The following AXDND1 variants were observed in gnomAD, a reference collection of about 807,000 sequenced individuals.
AXDND1 encodes axonemal dynein light chain domain-containing protein 1.
AXDND1 carries 110 observed loss-of-function variants against 137.5 expected under a neutral mutation model. The ratio of observed to expected loss-of-function variants is 0.80; its 90% CI spans 0.69 to 0.94. AXDND1 has a LOEUF of 0.94. AXDND1 is among the 40% of genes least tolerant of loss of function. The pLI is 0.00. For synonymous variants in AXDND1, 414 were observed against 399.7 expected (o/e 1.04, Z -0.43); for missense variants, 1,191 against 1,169.8 (o/e 1.02, Z -0.26).
intron 20 of AXDND1, among the ~76,000 whole-genome samples, chr1:179,495,524 A>G (rs1328056549): frequency 6.6e-6 from 1 of 152,076 alleles, no homozygotes; most frequent in South Asian, 2.1e-4. Context: ...GTTTTAGTAC[A>G]TTAATCTCAT....
intron 15 of AXDND1, among the ~76,000 whole-genome samples, chr1:179,438,234 G>A (rs892029251): frequency 6.6e-6 from 1 of 152,030 alleles, no homozygotes; most frequent in African/African-American, 2.4e-5. Context: ...CGGCAAATCG[G>A]CTTTCACAAG....
chr1:179,425,787 C>T (rs1189263086), intron 12 of AXDND1, among the ~76,000 whole-genome samples: 1 of 63,354 alleles, frequency 1.6e-5, no homozygotes, highest in Non-Finnish European at 3.4e-5. Flanking sequence ...TAGACCCTGT[C>T]TCACATATGT....
intron 14 of AXDND1, among the ~76,000 whole-genome samples, chr1:179,431,231 T>C (rs1408760655): frequency 6.6e-6 from 1 of 152,172 alleles, no homozygotes; most frequent in Non-Finnish European, 1.5e-5. Context: ...TGCCTCCATC[T>C]CCTGGGTTCA....
intron 25 of AXDND1, among the ~76,000 whole-genome samples, chr1:179,541,686 A>G (rs1282135680): frequency 6.8e-6 from 1 of 147,196 alleles, no homozygotes; most frequent in Non-Finnish European, 1.5e-5. Context: ...ATAATATTGC[A>G]TGATAATATG....
At chr1:179,521,803 T>C (rs566139981) in intron 21 of AXDND1, among the ~76,000 whole-genome samples, 1 of 149,032 alleles carries the variant, frequency 6.7e-6, no homozygotes, top group East Asian at 2.0e-4. Context: ...GATTCTGGGA[T>C]GGTATTCTTT....
In AXDND1 at chr1:179,375,385, C is replaced by T. The variant is rs370289328; in HGVS notation, c.375-3252C>T. ...CCCTAAAATACTAGGATTATAGGCG[C>T]GAGCCACCATGCCCGGCCCCAACAT... On this transcript the variant is annotated intron_variant, in intron 4 of 25. Transcript: ENST00000367618. 1.8e-4 allele frequency among the ~76,000 whole-genome samples: 28 copies of T among 151,994 alleles called. No homozygotes were observed. The South Asian group carries it at 3.3e-3, about 18-fold the overall frequency.
At position 179,534,845 on chromosome 1, in the gene AXDND1, A is replaced by C; in HGVS notation, c.2914A>C (p.Lys972Gln). ...AGAGGAATTAGTCATGACATCAAGA[A>C]AGGAGTCTAAAGAAGAGAAAGAAAA... ...DLEELVMTSR[K>Q]ESKEEKENQD... is the part of the protein sequence containing the mutation. The change falls in exon 25 of 26, where the codon AAG (lysine) becomes CAG (glutamine). Residue 972 changes from lysine (K) to glutamine (Q), a missense_variant. Coordinates refer to ENST00000367618, the MANE Select transcript of AXDND1 (RefSeq NM_144696.6). 2 of 1,611,464 alleles carry C rather than the reference A, an allele frequency of 1.2e-6. No homozygotes were observed. Among genetic ancestry groups the C allele is most frequent in the Non-Finnish European group, 1.7e-6 (2 of 1,179,460 alleles).
intron 11 of AXDND1, among the ~76,000 whole-genome samples, chr1:179,406,372 A>G (rs1405199620): frequency 1.3e-5 from 2 of 152,170 alleles, no homozygotes; most frequent in Non-Finnish European, 2.9e-5. Flanking sequence ...TGTAATGTCC[A>G]TTTGTTCTAA....
rs144167590 is a variant in AXDND1, at chr1:179,392,911, C to T, written c.864-992C>T. Among the ~76,000 whole-genome samples the T allele has an allele frequency of 2.4e-3, 364 of 152,060 alleles. 2 individuals carry two copies. The highest frequency in any genetic ancestry group is 8.6e-3 in the African/African-American group (357 of 41,506). On this transcript the variant is annotated intron_variant, in intron 9 of 25. Coordinates refer to ENST00000367618, the MANE Select transcript of AXDND1 (RefSeq NM_144696.6). The stretch of plus-strand genomic sequence containing the variant: ...CATAGTTTATGAATATTTTCTCCCT[C>T]TCTGTGGGTTGTCTGTTTAACCTGC...
chr1:179,381,412 C>T (rs1324489506), intron 6 of AXDND1, among the ~76,000 whole-genome samples: 4 of 146,520 alleles, frequency 2.7e-5, no homozygotes, highest in East Asian at 2.0e-4. Flanking sequence ...GGTGCGATCT[C>T]GGCTCACTGC....
chr1:179,509,309 A>T lies in AXDND1; in HGVS notation c.2402A>T (p.Glu801Val). 6.2e-7 allele frequency: 1 copy of T among 1,608,696 alleles called. No individual in the cohort carries two copies. Among genetic ancestry groups the T allele is most frequent in the Non-Finnish European group, 8.5e-7 (1 of 1,176,300 alleles). Residue 801 changes from glutamate (E) to valine (V), a missense_variant, in exon 21 of 26, where the codon GAA becomes GTA. Physicochemically the swap from Glu to Val is moderately radical, Grantham distance 121. Coordinates refer to ENST00000367618, the MANE Select transcript of AXDND1 (RefSeq NM_144696.6). ...ATCTCTTCTCAGAAAGAATGTTATG[A>T]ATGGATCAACACATGCTCTTGCCTC... ...EVDKLKKECY[E>V]WINTCSCLLS...
intron 9 of AXDND1, among the ~76,000 whole-genome samples, chr1:179,390,872 T>C (rs1287789086): frequency 2.6e-5 from 4 of 152,120 alleles, no homozygotes; most frequent in Admixed American, 1.3e-4. Flanking sequence ...AATGGTGCAA[T>C]CTTGGCTCAC....
rs762092372 is a variant in AXDND1, at chr1:179,468,468, G to A, written c.1824G>A (p.Leu608=). Residue 608 remains leucine, a synonymous_variant, in exon 17 of 26, where the codon TTG becomes TTA. Coordinates refer to ENST00000367618, the MANE Select transcript of AXDND1 (RefSeq NM_144696.6). ...GTTACTCCAAAATTCTTCCAAGTTT[G>A]ATTAGTTCTCTTGACTTCTGTTCTT... The part of the protein sequence containing the change: ...DNGYSKILPS[L]ISSLDFCSFK... 2.5e-6 allele frequency: 4 copies of A among 1,611,026 alleles called. No individual in the cohort carries two copies. Among genetic ancestry groups the A allele is most frequent in the Non-Finnish European group, 3.4e-6 (4 of 1,179,046 alleles).
At chr1:179,493,063 T>A in intron 20 of AXDND1, 112 bp downstream of exon 20, 1 of 724,458 alleles carries the variant, frequency 1.4e-6, no homozygotes, top group Non-Finnish European at 2.2e-6. Context: ...TACAATCTTA[T>A]AAGTTCTAAA....
intron 25 of AXDND1, among the ~76,000 whole-genome samples, chr1:179,541,700 GATA>G (rs757712997): frequency 7.1e-6 from 1 of 141,204 alleles, no homozygotes; most frequent in Non-Finnish European, 1.5e-5. Flanking sequence ...TAATATGCAT[GATA>G]ATATATGCAT....
chr1:179,371,049 G>A (rs752718646), intron 4 of AXDND1, among the ~76,000 whole-genome samples: 22 of 152,102 alleles, frequency 1.4e-4, no homozygotes, highest in Non-Finnish European at 2.2e-4. Context: ...ATAATTATTG[G>A]TAGCAATAAT....
chr1:179,425,610 A>G (rs1656428673), intron 12 of AXDND1, among the ~76,000 whole-genome samples: 1 of 152,052 alleles, frequency 6.6e-6, no homozygotes, highest in African/African-American at 2.4e-5. Flanking sequence ...AGGAATCAAC[A>G]TGATGAGGAA....
intron 18 of AXDND1, 22 bp downstream of exon 18, chr1:179,483,243 T>G (rs754394570): frequency 1.3e-6 from 2 of 1,529,028 alleles, no homozygotes; most frequent in Non-Finnish European, 1.8e-6. Context: ...TAAGGGTTTT[T>G]GACGTTATAT....
At chr1:179,509,524 A>G (rs149951274) in intron 21 of AXDND1, 121 bp downstream of exon 21, 1 of 648,614 alleles carries the variant, frequency 1.5e-6, no homozygotes, top group African/African-American at 1.9e-5. Flanking sequence ...AACATATGAG[A>G]ATTTTGGTTC....
Sources: allele counts gnomAD v4.1 joint callset (sites outside exome capture counted in the v4.1 genomes callset), GRCh38; gene constraint gnomAD v4.1.1; transcripts MANE v1.5; gene names NCBI Gene and HGNC (gene_info 2026-07-23, HGNC 2026-07-21).